Variants in CELSR1 observed in about 807,000 individuals in gnomAD.
CELSR1 encodes the protein cadherin EGF LAG seven-pass G-type receptor 1.
In CELSR1, 110 loss-of-function variants were observed where a neutral mutation model predicts 249.1. That is an observed-to-expected ratio of 0.44 (90% CI 0.38 to 0.52). CELSR1 has a LOEUF of 0.52. Ranked by LOEUF, CELSR1 falls within the 20% of genes least tolerant of loss-of-function variation. The pLI is 0.00. For synonymous variants in CELSR1, 2,113 were observed against 1,900.0 expected, an observed-to-expected ratio of 1.11 and a Z score of -2.92; for missense variants, 4,109 against 4,296.4, an observed-to-expected ratio of 0.96 and a Z score of 1.22.
chr22:46,496,158 C>A (rs2337051), intron 1 of CELSR1, among the ~76,000 whole-genome samples: 67,359 of 150,848 alleles, frequency 0.45, 15,974 homozygotes, highest in East Asian at 0.84. Context: ...GGCACCACTG[C>A]ACTCTGCACT....
At chr22:46,508,115 T>C (rs1162449179) in intron 1 of CELSR1, among the ~76,000 whole-genome samples, 1 of 152,058 alleles carries the variant, frequency 6.6e-6, no homozygotes, top group East Asian at 1.9e-4. Flanking sequence ...ACATGCCCCT[T>C]TGTGACTCGG....
rs201209154 is a variant in CELSR1 at position 46,536,178 on chromosome 22, C to T, written c.993G>A (p.Pro331=). 5.0e-6 allele frequency: 8 copies of T among 1,612,656 alleles called. No individual in the cohort carries two copies. Among genetic ancestry groups the T allele is most frequent in the Non-Finnish European group, 6.8e-6 (8 of 1,179,998 alleles). Residue 331 remains proline (P), a synonymous_variant, in exon 1 of 35, where the codon CCG becomes CCA. Transcript: ENST00000674500. The part of the protein sequence containing the change: ...LRVKAVDYST[P]PRSATTYITV... ...TGATGTAGGTGGTGGCCGAGCGCGG[C>T]GGCGTACTGTAGTCCACGGCTTTCA...
chr22:46,370,510 T>C (rs1026381465), intron 25 of CELSR1, among the ~76,000 whole-genome samples: 2 of 151,958 alleles, frequency 1.3e-5, no homozygotes, highest in African/African-American at 4.8e-5. Context: ...TGAAGCACAG[T>C]TGTCACTCCC....
chr22:46,366,720 C>T (rs976075738), intron 29 of CELSR1, among the ~76,000 whole-genome samples: 7 of 152,190 alleles, frequency 4.6e-5, no homozygotes, highest in African/African-American at 1.7e-4. Flanking sequence ...CTCCCTACGG[C>T]CACTGCTTCT....
chr22:46,385,812 G>A (rs543466613), intron 19 of CELSR1, among the ~76,000 whole-genome samples: 2 of 151,924 alleles, frequency 1.3e-5, no homozygotes, highest in South Asian at 4.2e-4. Context: ...CGAGTAGCTG[G>A]GACTACAAAC....
chr22:46,399,602 G>A lies in CELSR1; in HGVS notation c.5412+115C>T, dbSNP rs1006346850. ...GCCCACCTGCGGGGACCCAGAAAGTGCCTCCCCAAATCCACAAGGTCTCTG... is the reference window on the plus strand; with the variant it reads ...GCCCACCTGCGGGGACCCAGAAAGTACCTCCCCAAATCCACAAGGTCTCTG... On this transcript the variant is annotated intron_variant, in intron 10 of 34. Coordinates refer to ENST00000674500, the MANE Select transcript of CELSR1 (RefSeq NM_001378328.1). This position sits in a 1 kb window ranked among gnomAD's most constrained non-coding sequence, Gnocchi z 5.0. 3.3e-5 allele frequency: 34 copies of A among 1,043,264 alleles called. No individual in the cohort carries two copies. Among genetic ancestry groups the A allele is most frequent in the Non-Finnish European group, 4.3e-5 (30 of 699,096 alleles). 64.6% of individuals were successfully genotyped at this position (1,043,264 alleles called of 1,614,324 possible). A position where few individuals can be genotyped will look rare whatever the true frequency, so the allele number is the denominator to read the frequency against.
chr22:46,520,618 G>T (rs1022285130), intron 1 of CELSR1, among the ~76,000 whole-genome samples: 1 of 151,836 alleles, frequency 6.6e-6, no homozygotes, highest in African/African-American at 2.4e-5. Context: ...CCGTCATCAG[G>T]CCCAGCTAAT....
chr22:46,470,972 A>G (rs1266455585), intron 1 of CELSR1, among the ~76,000 whole-genome samples: 2 of 152,090 alleles, frequency 1.3e-5, no homozygotes, highest in Non-Finnish European at 2.9e-5. Flanking sequence ...TAAAAATACA[A>G]AGATTAGCAG....
chr22:46,517,599 C>A lies in CELSR1; in HGVS notation c.3544+16028G>T, dbSNP rs1473673094. Among the ~76,000 whole-genome samples the A allele has an allele frequency of 6.6e-6, 1 of 152,216 alleles. No homozygotes were observed. The highest frequency in any genetic ancestry group is 2.4e-5 in the African/African-American group (1 of 41,456). On this transcript the variant is annotated intron_variant, in intron 1 of 34. Coordinates refer to ENST00000674500, the MANE Select transcript of CELSR1 (RefSeq NM_001378328.1). The surrounding 1 kb of genome is among the most constrained non-coding windows in gnomAD (Gnocchi z 5.4). ...CAAAACACGCCCCTGAGCTTCCCGT[C>A]CTGCACACACAGACGCACCCCTGAC...
Position 46,363,026 on chromosome 22 carries a change from G to T in CELSR1, c.*197C>A. The T allele has an allele frequency of 8.6e-7, 1 of 1,166,014 alleles. No individual in the cohort carries two copies. Among genetic ancestry groups the T allele is most frequent in the African/African-American group, 1.5e-5 (1 of 64,998 alleles). 72.2% of individuals were successfully genotyped at this position (1,166,014 alleles called of 1,614,324 possible). A position where few individuals can be genotyped will look rare whatever the true frequency, so the allele number is the denominator to read the frequency against. On this transcript the variant is annotated 3_prime_UTR_variant, in exon 35 of 35. Transcript: ENST00000674500. This position sits in a 1 kb window ranked among gnomAD's most constrained non-coding sequence, Gnocchi z 4.3. ...TCTGACAGGCCCTGAGCTCCTGGGA[G>T]AACCAAGACCTTTGTGTCTGGATGA...
At chr22:46,384,750 C>A in intron 19 of CELSR1, 64 bp from the exon 20 acceptor site, 1 of 1,510,448 alleles carries the variant, frequency 6.6e-7, no homozygotes, top group South Asian at 1.3e-5. Flanking sequence ...CTGCTGTTTT[C>A]AAAATGACCA....
At chr22:46,449,943 C>G (rs888645151) in intron 2 of CELSR1, among the ~76,000 whole-genome samples, 15 of 110,084 alleles carry the variant, frequency 1.4e-4, no homozygotes. Context: ...CACACACACT[C>G]ACATGCACGC....
Position 46,535,733 on chromosome 22 carries a change from G to A in CELSR1, c.1438C>T (p.Arg480Ter). ...EDVGLNTAVL[R>*]VQATDRDQGQ... ...TGGTCCCGGTCCGTGGCCTGCACTC[G>A]CAGCACAGCCGTGTTGAGCCCCACG... The change falls in exon 1 of 35, where the codon CGA becomes TGA. Residue 480 changes from arginine (R) to a stop codon, truncating the protein, a stop_gained. Coordinates refer to ENST00000674500, the MANE Select transcript of CELSR1 (RefSeq NM_001378328.1). LOFTEE classifies it high-confidence loss of function. 6.2e-7 allele frequency: 1 copy of A among 1,612,552 alleles called. No homozygotes were observed.
At chr22:46,431,760 G>A (rs148556105) in intron 5 of CELSR1, among the ~76,000 whole-genome samples, 16 of 152,344 alleles carry the variant, frequency 1.1e-4, no homozygotes, top group East Asian at 9.6e-4. Context: ...GGACGGCACC[G>A]TATCAAGAAA....
At chr22:46,515,860 G>A (rs2080621653) in intron 1 of CELSR1, among the ~76,000 whole-genome samples, 2 of 152,208 alleles carry the variant, frequency 1.3e-5, no homozygotes. Flanking sequence ...CTGGGGTTAA[G>A]AAAGTAGGAA....
At chr22:46,377,329 A>T in intron 23 of CELSR1, 68 bp from the exon 24 acceptor site, 1 of 1,495,300 alleles carries the variant, frequency 6.7e-7, no homozygotes, top group Non-Finnish European at 9.2e-7. Context: ...TCATTGCATA[A>T]CAGAGATAAA....
chr22:46,495,065 C>T (rs931244073), intron 1 of CELSR1, among the ~76,000 whole-genome samples: 1 of 152,190 alleles, frequency 6.6e-6, no homozygotes, highest in African/African-American at 2.4e-5. Context: ...CCTAGCTAGA[C>T]CCAGCTGGTA....
At position 46,430,429 on chromosome 22, in the gene CELSR1, G is replaced by A. The variant is rs995981506; in HGVS notation, c.4611+2964C>T. On this transcript the variant is annotated intron_variant, in intron 5 of 34. Coordinates refer to ENST00000674500, the MANE Select transcript of CELSR1 (RefSeq NM_001378328.1). The surrounding 1 kb of genome is among the most constrained non-coding windows in gnomAD (Gnocchi z 4.6). ...CATCAGCCAAGGCAGGCAGGGACGC[G>A]TGTGCAGGGGGGTTCCCTCGGCAGT... Among the ~76,000 whole-genome samples, 1 of 152,050 alleles carries A rather than the reference G, an allele frequency of 6.6e-6. No homozygotes were observed. Among genetic ancestry groups the A allele is most frequent in the African/African-American group, 2.4e-5 (1 of 41,392 alleles).
At chr22:46,462,384 T>C (rs2080040180) in intron 2 of CELSR1, among the ~76,000 whole-genome samples, 1 of 152,160 alleles carries the variant, frequency 6.6e-6, no homozygotes, top group African/African-American at 2.4e-5. Context: ...TGGTTTTCCC[T>C]CCACTTCTGA....
Sources: gnomAD v4.1 joint callset for allele counts (sites outside exome capture counted in the v4.1 genomes callset) on GRCh38, gnomAD v4.1.1 for gene constraint, Gnocchi (gnomAD v3.1) non-coding constraint, MANE v1.5 for transcripts, NCBI Gene and HGNC (gene_info 2026-07-23, HGNC 2026-07-21) for gene names.